Variants in SLC2A5 observed in about 807,000 individuals in gnomAD.
SLC2A5 encodes the protein solute carrier family 2 member 5, also known as solute carrier family 2, facilitated glucose transporter member 5.
SLC2A5 carries 56 observed loss-of-function variants against 50.3 expected under a neutral mutation model. The ratio of observed to expected loss-of-function variants is 1.11; its 90% confidence interval spans 0.90 to 1.39. SLC2A5 has a LOEUF of 1.39. Ranked by LOEUF, SLC2A5 falls within the 40% of genes most tolerant of loss-of-function variation. The probability of loss-of-function intolerance (pLI) is 0.00; values close to 1 mark genes in which losing one functional copy is unlikely to be tolerated. For synonymous variants in SLC2A5, 269 were observed against 281.9 expected (o/e 0.95, Z 0.46); for missense variants, 566 against 650.1 (o/e 0.87, Z 1.41).
At position 9,041,802 on chromosome 1, in the gene SLC2A5, A is replaced by G. The variant is rs1443708819; in HGVS notation, c.554T>C (p.Leu185Pro). 2 of 1,614,094 alleles carry G rather than the reference A, an allele frequency of 1.2e-6. No individual in the cohort carries two copies. Among genetic ancestry groups the G allele is most frequent in the Non-Finnish European group, 1.7e-6 (2 of 1,180,018 alleles). Residue 185 changes from leucine to proline, a missense_variant, in exon 5 of 12, where the codon CTC becomes CCC. Transcript: ENST00000377424. ...GAACTCACCATCTACGTTTGCAAGG[A>G]GATTCCGAAGACCAAAGATCTGGGC... The part of the protein sequence containing the change: ...LVAQIFGLRN[L>P]LANVDGWPIL...
intron 2 of SLC2A5, among the ~76,000 whole-genome samples, chr1:9,081,378 G>A (rs902650524): frequency 6.7e-6 from 1 of 148,598 alleles, no homozygotes; most frequent in African/African-American, 2.5e-5. Flanking sequence ...ACAGTGGCAT[G>A]TGCCTATATT....
intron 8 of SLC2A5, among the ~76,000 whole-genome samples, chr1:9,039,307 A>C (rs1641225550): frequency 6.6e-6 from 1 of 152,198 alleles, no homozygotes; most frequent in Admixed American, 6.5e-5. Flanking sequence ...GCCACCCAGC[A>C]GTGGGCGCTG....
chr1:9,060,217 G>A (rs1448533513), intron 1 of SLC2A5, among the ~76,000 whole-genome samples: 3 of 119,898 alleles, frequency 2.5e-5, no homozygotes, highest in African/African-American at 1.0e-4. Context: ...CGCCCCTCAT[G>A]TAACAAACAA....
At chr1:9,076,024 C>T (rs1368923215) in intron 2 of SLC2A5, among the ~76,000 whole-genome samples, 1 of 150,932 alleles carries the variant, frequency 6.6e-6, no homozygotes, top group Non-Finnish European at 1.5e-5. Context: ...GGCACAATCT[C>T]AGCTCACTGC....
At chr1:9,045,671 A>G (rs1641415337) in intron 4 of SLC2A5, among the ~76,000 whole-genome samples, 1 of 152,032 alleles carries the variant, frequency 6.6e-6, no homozygotes, top group Non-Finnish European at 1.5e-5. Flanking sequence ...GGAGTTTGAG[A>G]CTAGCTTGGC....
At position 9,038,813 on chromosome 1, in the gene SLC2A5, C is replaced by G. The variant is rs779644892; in HGVS notation, c.1098+15G>C. On this transcript the variant is annotated intron_variant, in intron 9 of 11. Coordinates refer to ENST00000377424, the MANE Select transcript of SLC2A5 (RefSeq NM_003039.3). ...GGTGCAGCTCCGGGCTCCTGGGACC[C>G]TGGCCTGTCCTCACCTGCAGTGCCA... 13 of 1,580,158 alleles carry G rather than the reference C, an allele frequency of 8.2e-6. No homozygotes were observed. The highest frequency in any genetic ancestry group is 3.7e-5 in the Admixed American group (2 of 54,574).
At chr1:9,081,349 G>A (rs1486510818) in intron 2 of SLC2A5, among the ~76,000 whole-genome samples, 4 of 140,872 alleles carry the variant, frequency 2.8e-5, no homozygotes, top group African/African-American at 1.1e-4. Flanking sequence ...TATCAAGAAA[G>A]TAAAAAGATG....
At chr1:9,072,021 C>T (rs1372709004), upstream of SLC2A5, 1 of 155,258 alleles carries the variant, frequency 6.4e-6, no homozygotes, top group Non-Finnish European at 1.4e-5. Context: ...TTCCCCTCCG[C>T]CTTTGCCCGA....
intron 1 of SLC2A5, among the ~76,000 whole-genome samples, chr1:9,062,092 C>A (rs576845587): frequency 6.6e-6 from 1 of 152,118 alleles, no homozygotes; most frequent in South Asian, 2.1e-4. Flanking sequence ...GGTGGGTTCT[C>A]GCTAACCCTG....
chr1:9,044,812 C>G (rs1221842633), intron 4 of SLC2A5, among the ~76,000 whole-genome samples: 1 of 152,166 alleles, frequency 6.6e-6, no homozygotes, highest in African/African-American at 2.4e-5. Context: ...GCCTCAGCTT[C>G]CTAAAGTGCT....
At chr1:9,093,667 A>C in the SLC2A5 span, among the ~76,000 whole-genome samples, 1 of 152,208 alleles carries the variant, frequency 6.6e-6, no homozygotes, top group Admixed American at 6.5e-5. Flanking sequence ...AAATTCCCTA[A>C]TCACATCAAC....
chr1:9,059,562 A>AGAGTCCTGC (rs58799445), intron 1 of SLC2A5, among the ~76,000 whole-genome samples: 2 of 94,694 alleles, frequency 2.1e-5, no homozygotes, highest in East Asian at 5.0e-4. Context: ...TTTCTGAGAC[A>AGAGTCCTGC]TTTCTTGCCC....
chr1:9,091,009 C>T (rs1043338363), upstream of SLC2A5, among the ~76,000 whole-genome samples: 3 of 152,150 alleles, frequency 2.0e-5, no homozygotes, highest in Non-Finnish European at 2.9e-5. Context: ...ATCATAACTC[C>T]GAATATCCAG....
At chr1:9,093,112 G>A (rs986755973), upstream of SLC2A5, among the ~76,000 whole-genome samples, 2 of 151,938 alleles carry the variant, frequency 1.3e-5, no homozygotes, top group Non-Finnish European at 1.5e-5. Flanking sequence ...GGAATACGCC[G>A]ACAAATACTT....
chr1:9,038,908 C>A lies in SLC2A5; in HGVS notation c.1018G>T (p.Gly340Cys), dbSNP rs757835227. Residue 340 changes from glycine (G) to cysteine (C), a missense_variant, in exon 9 of 12, where the codon GGT becomes TGT. Gly to Cys is a radical substitution (Grantham distance 159). Coordinates refer to ENST00000377424, the MANE Select transcript of SLC2A5 (RefSeq NM_003039.3). ...CCCAGCAGCAGCAGCAGCCTCCGACCCAGGAGCTCCACCACGAACACCTAC... is the reference window on the plus strand; with the variant it reads ...CCCAGCAGCAGCAGCAGCCTCCGACACAGGAGCTCCACCACGAACACCTAC... Reference protein sequence around the residue: ...FCAVFVVELLGRRLLLLLGFS... With the variant: ...FCAVFVVELLCRRLLLLLGFS... 1 of 1,612,634 alleles carries A rather than the reference C, an allele frequency of 6.2e-7. No homozygotes were observed. The highest frequency in any genetic ancestry group is 1.1e-5 in the South Asian group (1 of 91,012).
chr1:9,062,828 C>T (rs768366312), intron 1 of SLC2A5, among the ~76,000 whole-genome samples: 7 of 152,028 alleles, frequency 4.6e-5, no homozygotes, highest in Non-Finnish European at 7.4e-5. Context: ...GCCGAGATCA[C>T]GCCATTGCAC....
chr1:9,039,467 G>T, intron 8 of SLC2A5, 85 bp downstream of exon 8: 1 of 987,440 alleles, frequency 1.0e-6, no homozygotes, highest in South Asian at 1.7e-5. Context: ...GGGGCCACGG[G>T]CTGCCCTTTT....
upstream of SLC2A5, among the ~76,000 whole-genome samples, chr1:9,092,485 A>G (rs1251380555): frequency 6.6e-6 from 1 of 152,216 alleles, no homozygotes; most frequent in African/African-American, 2.4e-5. Flanking sequence ...TCTATTTGCC[A>G]AAAAGCTTCA....
intron 1 of SLC2A5, among the ~76,000 whole-genome samples, chr1:9,060,802 A>G (rs12084965): frequency 0.023 from 3,508 of 151,744 alleles, 144 homozygotes; most frequent in African/African-American, 0.08. Flanking sequence ...TCACTCGTCT[A>G]TTCAGCCATT....
Sources: allele counts gnomAD v4.1 joint callset (sites outside exome capture counted in the v4.1 genomes callset), GRCh38; gene constraint gnomAD v4.1.1; transcripts MANE v1.5; gene names NCBI Gene and HGNC (gene_info 2026-07-23, HGNC 2026-07-21).